CLTC: variants seen among roughly 807,000 people sequenced by gnomAD.
CLTC encodes clathrin heavy chain.
In CLTC, 16 loss-of-function variants were observed where a neutral mutation model predicts 195.8. The ratio of observed to expected loss-of-function variants is 0.08; its 90% confidence interval spans 0.06 to 0.12. The LOEUF (loss-of-function observed/expected upper bound fraction) is 0.12, where lower values mean the gene tolerates loss of function less well. Ranked by LOEUF, CLTC falls within the 10% of genes least tolerant of loss-of-function variation. The pLI is 1.00. For synonymous variants in CLTC, 667 were observed against 689.4 expected, an observed-to-expected ratio of 0.97 and a Z score of 0.51; for missense variants, 796 against 2,027.0, an observed-to-expected ratio of 0.39 and a Z score of 11.66.
At chr17:59,626,302 A>C (rs1056257660) in intron 1 of CLTC, among the ~76,000 whole-genome samples, 1 of 152,212 alleles carries the variant, frequency 6.6e-6, no homozygotes, top group Non-Finnish European at 1.5e-5. Context: ...GTTTAATACA[A>C]ATATTGATAT....
At chr17:59,676,899 G>C in intron 16 of CLTC, 55 bp from the exon 17 acceptor site, 1 of 1,283,738 alleles carries the variant, frequency 7.8e-7, no homozygotes, top group Non-Finnish European at 1.1e-6. Context: ...CATGTCAAGA[G>C]TGTGTTATTT....
intron 30 of CLTC, among the ~76,000 whole-genome samples, chr17:59,688,766 T>C (rs575372201): frequency 6.6e-6 from 1 of 152,230 alleles, no homozygotes; most frequent in Non-Finnish European, 1.5e-5. Context: ...AGACCTTAAC[T>C]TTTAAACACA....
Position 59,677,032 on chromosome 17 carries a change from C to T in CLTC, c.2640C>T (p.Ala880=), listed in dbSNP as rs775176358. The change falls in exon 17 of 32, where the codon GCC becomes GCT. Residue 880 remains alanine, a synonymous_variant. Coordinates refer to ENST00000269122, the MANE Select transcript of CLTC (RefSeq NM_004859.4). ...CEEPATHNAL[A]KIYIDSNNNP... ...AGCCTGCTACTCACAATGCCTTAGC[C>T]AAAATCTACATAGACAGTAATAACA... 2.5e-6 allele frequency: 4 copies of T among 1,613,918 alleles called. No homozygotes were observed. Among genetic ancestry groups the T allele is most frequent in the African/African-American group, 2.7e-5 (2 of 74,872 alleles).
chr17:59,620,254 G>C (rs1214723846), intron 1 of CLTC, 81 bp downstream of exon 1: 12 of 1,496,038 alleles, frequency 8.0e-6, no homozygotes, highest in Non-Finnish European at 1.1e-5. Flanking sequence ...GGCCCGAGCA[G>C]TATCGGAGCT....
At chr17:59,653,642 T>C (rs901506720) in intron 5 of CLTC, among the ~76,000 whole-genome samples, 1 of 152,092 alleles carries the variant, frequency 6.6e-6, no homozygotes, top group African/African-American at 2.4e-5. Flanking sequence ...GCCTTGGAAC[T>C]CCTGGGCTCA....
chr17:59,625,121 T>G (rs889469899), intron 1 of CLTC, among the ~76,000 whole-genome samples: 15 of 151,918 alleles, frequency 9.9e-5, no homozygotes, highest in Admixed American at 6.6e-4. Flanking sequence ...TTTTTTTTCT[T>G]TTTTTTTGAG....
chr17:59,677,701 A>C (rs1369723858), intron 17 of CLTC, among the ~76,000 whole-genome samples: 1 of 152,094 alleles, frequency 6.6e-6, no homozygotes, highest in Non-Finnish European at 1.5e-5. Context: ...CTCTAGTCTA[A>C]GGTCATATAT....
At position 59,690,628 on chromosome 17, in the gene CLTC, T is replaced by C; in HGVS notation, c.4828-8T>C. ...GGGTGCTAATTAACATGATGTGTTT[T>C]TCTCCAGGTGGATAAATTAGATGCT... On this transcript the variant is annotated splice_region_variant and splice_polypyrimidine_tract_variant and intron_variant, in intron 30 of 31. Coordinates refer to ENST00000269122, the MANE Select transcript of CLTC (RefSeq NM_004859.4). 6.2e-7 allele frequency: 1 copy of C among 1,606,862 alleles called. No homozygotes were observed. The highest frequency in any genetic ancestry group is 8.5e-7 in the Non-Finnish European group (1 of 1,175,536).
chr17:59,695,907 T>C lies in CLTC; in HGVS notation c.*2055T>C, dbSNP rs1045574425. ...CCCTGTGGGTTCTGCAGAGTATACT[T>C]TGAAAACTATAAGATTATGAGTTCT... On this transcript the variant is annotated 3_prime_UTR_variant, in exon 32 of 32. Coordinates refer to ENST00000269122, the MANE Select transcript of CLTC (RefSeq NM_004859.4). 1.0e-5 allele frequency: 2 copies of C among 200,556 alleles called. No individual in the cohort carries two copies. The highest frequency in any genetic ancestry group is 6.0e-5 in the Admixed American group (1 of 16,672). The allele number at this position is 200,556 out of a possible 1,614,324, so 12.4% of individuals were successfully genotyped here. A position where few individuals can be genotyped will look rare whatever the true frequency, so the allele number is the denominator to read the frequency against.
intron 1 of CLTC, among the ~76,000 whole-genome samples, chr17:59,638,422 A>G (rs1235674729): frequency 6.6e-6 from 1 of 152,158 alleles, no homozygotes; most frequent in African/African-American, 2.4e-5. Flanking sequence ...CACACCTCTG[A>G]GATAGATACT....
intron 30 of CLTC, among the ~76,000 whole-genome samples, chr17:59,686,543 C>T (rs150594093): frequency 8.5e-5 from 13 of 152,152 alleles, no homozygotes; most frequent in Non-Finnish European, 1.8e-4. Flanking sequence ...TGAAGAAGCG[C>T]TACCAACAAC....
In CLTC at chr17:59,685,179, C is replaced by T; in HGVS notation, c.4558C>T (p.Arg1520Cys). The change falls in exon 29 of 32, where the codon CGC becomes TGC. Residue 1520 changes from arginine to cysteine, a missense_variant. Physicochemically the swap from Arg to Cys is radical, Grantham distance 180. Around this residue, in one of 9 missense-constraint regions of CLTC, gnomAD observed 148 missense variants for 279.5 expected, o/e 0.53. Transcript: ENST00000269122. This position sits in a 1 kb window ranked among gnomAD's most constrained non-coding sequence, Gnocchi z 5.0. ...IAAYLFKGNNRWKQSVELCKK... is the reference protein window; with the variant it reads ...IAAYLFKGNNCWKQSVELCKK... ...TGCTTATCTCTTCAAAGGCAACAAT[C>T]GCTGGAAACAGAGTGTAGAGCTGTG... The T allele has an allele frequency of 6.2e-7, 1 of 1,611,844 alleles. No homozygotes were observed. The highest frequency in any genetic ancestry group is 8.5e-7 in the Non-Finnish European group (1 of 1,178,446).
intron 1 of CLTC, among the ~76,000 whole-genome samples, chr17:59,630,491 C>T (rs972198857): frequency 7.9e-5 from 12 of 152,142 alleles, no homozygotes; most frequent in Admixed American, 2.0e-4. Context: ...TTCACAGTGT[C>T]GTGCAGCCAA....
chr17:59,662,089 C>T (rs560319447), intron 8 of CLTC, among the ~76,000 whole-genome samples: 7 of 147,698 alleles, frequency 4.7e-5, no homozygotes, highest in East Asian at 2.0e-4. Flanking sequence ...GGTGATAGAA[C>T]GAGACTCGGT....
chr17:59,695,124 C>G lies in CLTC; in HGVS notation c.*1272C>G, dbSNP rs191258576. 4.9e-6 allele frequency: 1 copy of G among 202,592 alleles called. No individual in the cohort carries two copies. The highest frequency in any genetic ancestry group is 1.0e-5 in the Non-Finnish European group (1 of 98,500). 12.5% of individuals were successfully genotyped at this position (202,592 alleles called of 1,614,324 possible). ...TATTTAAACATGTAGTTAACATGCT[C>G]TTTCTCATCATGAATTATAAAGGTG... On this transcript the variant is annotated 3_prime_UTR_variant, in exon 32 of 32. Coordinates refer to ENST00000269122, the MANE Select transcript of CLTC (RefSeq NM_004859.4).
At position 59,693,870 on chromosome 17, in the gene CLTC, G is replaced by A. The variant is rs1341300903; in HGVS notation, c.*18G>A. ...GCATGTGAGATGAAGCGCTGATCCT[G>A]TAGTCACCTATTTTCGTACTGAAAC... On this transcript the variant is annotated 3_prime_UTR_variant, in exon 32 of 32. Coordinates refer to ENST00000269122, the MANE Select transcript of CLTC (RefSeq NM_004859.4). 4 of 1,595,170 alleles carry A rather than the reference G, an allele frequency of 2.5e-6. 1 individual carries two copies. Among genetic ancestry groups the A allele is most frequent in the South Asian group, 2.3e-5 (2 of 88,836 alleles).
At chr17:59,665,967 A>G (rs2032721486) in intron 10 of CLTC, 136 bp from the exon 11 acceptor site, 8 of 545,042 alleles carry the variant, frequency 1.5e-5, no homozygotes, top group Non-Finnish European at 2.6e-5. Context: ...TATGATCCCT[A>G]GAGGACAAAA....
chr17:59,635,825 T>C (rs1339869229), intron 1 of CLTC, among the ~76,000 whole-genome samples: 1 of 152,228 alleles, frequency 6.6e-6, no homozygotes. Context: ...TTCCCCATTC[T>C]GTCTTTAGGA....
At position 59,682,159 on chromosome 17, in the gene CLTC, G is replaced by A. The variant is rs2143593358; in HGVS notation, c.3443-112G>A. ...GTGAAATATTGCACGGTTTACATTTGTCATTATCCATGTTTCCTTGAAAAG... is the reference window on the plus strand; with the variant it reads ...GTGAAATATTGCACGGTTTACATTTATCATTATCCATGTTTCCTTGAAAAG... On this transcript the variant is annotated intron_variant, in intron 21 of 31. Transcript: ENST00000269122. The surrounding 1 kb of genome is among the most constrained non-coding windows in gnomAD (Gnocchi z 6.8). 4.0e-6 allele frequency: 4 copies of A among 998,380 alleles called. No individual in the cohort carries two copies. Among genetic ancestry groups the A allele is most frequent in the East Asian group, 5.0e-5 (2 of 39,960 alleles). The allele number at this position is 998,380 out of a possible 1,614,324, so 61.8% of individuals were successfully genotyped here.
Sources: allele counts gnomAD v4.1 joint callset (sites outside exome capture counted in the v4.1 genomes callset), GRCh38; gene constraint gnomAD v4.1.1; regional missense constraint gnomAD v4.1.1; non-coding constraint Gnocchi (gnomAD v3.1); transcripts MANE v1.5; gene names NCBI Gene and HGNC (gene_info 2026-07-23, HGNC 2026-07-21).